Variants in RGS6 observed in about 807,000 individuals in gnomAD.
RGS6 encodes the protein regulator of G-protein signaling 6.
RGS6 carries 30 observed loss-of-function variants against 78.5 expected under a neutral mutation model. That is an observed-to-expected ratio of 0.38 (90% CI 0.29 to 0.52). The LOEUF is 0.52. Among genes scored for constraint, RGS6 ranks in the 20% least tolerant of loss-of-function variants. The pLI, the probability that RGS6 is intolerant of heterozygous loss-of-function variation, is 0.85. For missense variants in RGS6, 495 were observed against 609.7 expected, an observed-to-expected ratio of 0.81 and a Z score of 1.98; for synonymous variants, 206 against 206.0, an observed-to-expected ratio of 1.00 and a Z score of 0.00.
At chr14:72,370,878 C>T (rs572264626) in intron 3 of RGS6, among the ~76,000 whole-genome samples, 93 of 152,266 alleles carry the variant, frequency 6.1e-4, no homozygotes, top group Non-Finnish European at 7.9e-4. Context: ...AATTTGAAGT[C>T]AGTTCGGTGA....
At chr14:72,001,626 A>G (rs1467226176) in intron 2 of RGS6, among the ~76,000 whole-genome samples, 1 of 151,964 alleles carries the variant, frequency 6.6e-6, no homozygotes, top group Admixed American at 6.6e-5. Flanking sequence ...ATATTCTCTT[A>G]TTTTCTTTTA....
At chr14:72,360,451 G>A (rs1596261586) in intron 3 of RGS6, among the ~76,000 whole-genome samples, 2 of 152,112 alleles carry the variant, frequency 1.3e-5, no homozygotes, top group East Asian at 1.9e-4. Context: ...GAACCCAGGA[G>A]GCAGAGCTTG....
intron 2 of RGS6, among the ~76,000 whole-genome samples, chr14:72,097,302 C>A (rs189367327): frequency 2.0e-5 from 3 of 152,304 alleles, no homozygotes; most frequent in Admixed American, 2.0e-4. Context: ...AGTGGCTGAG[C>A]AGAGAATGCT....
chr14:72,184,098 C>A (rs1336917658), intron 2 of RGS6, among the ~76,000 whole-genome samples: 1 of 152,096 alleles, frequency 6.6e-6, no homozygotes, highest in Non-Finnish European at 1.5e-5. Flanking sequence ...ATTGTCCCTA[C>A]ACCTTGCCTC....
intron 2 of RGS6, among the ~76,000 whole-genome samples, chr14:72,179,659 C>T (rs796603620): frequency 1.8e-5 from 2 of 114,014 alleles, no homozygotes; most frequent in African/African-American, 3.3e-5. Context: ...CCCCACCCCC[C>T]ACCCCCTGTA....
upstream of RGS6, among the ~76,000 whole-genome samples, chr14:71,927,764 T>C (rs2087737866): frequency 6.6e-6 from 1 of 151,714 alleles, no homozygotes; most frequent in Non-Finnish European, 1.5e-5. Flanking sequence ...TTCATGCCAT[T>C]CTCCTGCCTC....
the RGS6 span, among the ~76,000 whole-genome samples, chr14:72,618,173 C>T: frequency 6.6e-6 from 1 of 152,254 alleles, no homozygotes; most frequent in East Asian, 1.9e-4. Flanking sequence ...GACCATGTCA[C>T]CCTAATTATT....
At chr14:71,911,511 A>G in the RGS6 span, among the ~76,000 whole-genome samples, 3 of 152,202 alleles carry the variant, frequency 2.0e-5, no homozygotes, top group Non-Finnish European at 4.4e-5. Flanking sequence ...AACAGGGTAG[A>G]CTAATTATCC....
chr14:72,623,152 T>C, the RGS6 span, among the ~76,000 whole-genome samples: 1 of 152,142 alleles, frequency 6.6e-6, no homozygotes, highest in Non-Finnish European at 1.5e-5. Flanking sequence ...GAAAGACAAA[T>C]CATATTTTTT....
intron 2 of RGS6, among the ~76,000 whole-genome samples, chr14:72,105,703 A>T (rs1297157536): frequency 6.6e-6 from 1 of 152,092 alleles, no homozygotes; most frequent in Non-Finnish European, 1.5e-5. Context: ...TTTAATTTTT[A>T]TCTGAGAATA....
the RGS6 span, among the ~76,000 whole-genome samples, chr14:71,869,856 G>A: frequency 1.3e-5 from 2 of 152,148 alleles, no homozygotes; most frequent in African/African-American, 4.8e-5. Flanking sequence ...GATTGGTGTT[G>A]TTATAAAAGG....
the RGS6 span, among the ~76,000 whole-genome samples, chr14:72,582,961 T>A: frequency 5.8e-5 from 8 of 138,938 alleles, no homozygotes; most frequent in Admixed American, 1.5e-4. Context: ...AAAAAAAAAA[T>A]TGCCCTTACT....
At position 72,295,013 on chromosome 14, in the gene RGS6, C is replaced by T. The variant is rs189915166; in HGVS notation, c.85-57082C>T. 1.2e-4 allele frequency among the ~76,000 whole-genome samples: 18 copies of T among 152,212 alleles called. No individual in the cohort carries two copies. In the South Asian group the frequency reaches 1.2e-3, roughly 11 times the overall value. The stretch of plus-strand genomic sequence containing the variant: ...TAACATCAGAACCCTTTGTTCAGGC[C>T]GGGCGCGGTGGCTCACGCCTGTAAT... On this transcript the variant is annotated intron_variant, in intron 2 of 17. Coordinates refer to ENST00000553525, the MANE Select transcript of RGS6 (RefSeq NM_001204424.2).
intron 2 of RGS6, among the ~76,000 whole-genome samples, chr14:72,060,453 G>T (rs1297636501): frequency 6.9e-6 from 1 of 144,448 alleles, no homozygotes; most frequent in Non-Finnish European, 1.5e-5. Flanking sequence ...TATTCTATCT[G>T]CCATGTCTGT....
chr14:71,902,957 CT>C, the RGS6 span, among the ~76,000 whole-genome samples: 1 of 152,240 alleles, frequency 6.6e-6, no homozygotes, highest in African/African-American at 2.4e-5. Flanking sequence ...CAAATCTTTA[CT>C]CTTTAGTTTT....
chr14:72,190,217 A>G (rs1194589297), intron 2 of RGS6, among the ~76,000 whole-genome samples: 5 of 152,198 alleles, frequency 3.3e-5, no homozygotes, highest in Admixed American at 3.3e-4. Flanking sequence ...GGGAAGCACA[A>G]GGAACTCACT....
chr14:71,877,284 C>G, the RGS6 span, among the ~76,000 whole-genome samples: 4 of 152,174 alleles, frequency 2.6e-5, no homozygotes, highest in Non-Finnish European at 4.4e-5. Flanking sequence ...CAACTTGTTT[C>G]CATTCTCCCC....
intron 2 of RGS6, among the ~76,000 whole-genome samples, chr14:72,035,330 G>C (rs1032425663): frequency 6.7e-6 from 1 of 149,616 alleles, no homozygotes; most frequent in Admixed American, 6.7e-5. Context: ...TGGACATCAG[G>C]TATAATATCT....
In RGS6 at chr14:72,113,086, G is replaced by A. The variant is rs12896356; in HGVS notation, c.84+148211G>A. 5.0e-3 allele frequency among the ~76,000 whole-genome samples: 751 copies of A among 151,390 alleles called. 10 individuals carry two copies. Among genetic ancestry groups the A allele is most frequent in the African/African-American group, 0.017 (699 of 41,018 alleles). ...CTTACACACACACACACGCATGCAC[G>A]CATGCATGCACACACATGCACACAC... On this transcript the variant is annotated intron_variant, in intron 2 of 17. Transcript: ENST00000553525.
Sources: allele counts gnomAD v4.1 joint callset (sites outside exome capture counted in the v4.1 genomes callset), GRCh38; gene constraint gnomAD v4.1.1; transcripts MANE v1.5; gene names NCBI Gene and HGNC (gene_info 2026-07-23, HGNC 2026-07-21).